CCDC88C: variants seen among roughly 807,000 people sequenced by gnomAD.
CCDC88C encodes coiled-coil and HOOK domain protein 88C, also known as protein Daple.
A neutral mutation model predicts 198.8 loss-of-function variants in CCDC88C; 131 were observed. That is an observed-to-expected ratio of 0.66 (90% confidence interval 0.57 to 0.76). CCDC88C has a LOEUF of 0.76. CCDC88C is among the 30% of genes least tolerant of loss of function. The pLI, the probability that CCDC88C is intolerant of heterozygous loss-of-function variation, is 0.00. For missense variants in CCDC88C, 2,553 were observed against 2,631.6 expected (o/e 0.97, Z 0.65); for synonymous variants, 1,166 against 1,114.7 (o/e 1.05, Z -0.92).
At chr14:91,302,544 GA>G (rs1891345561) in intron 20 of CCDC88C, among the ~76,000 whole-genome samples, 1 of 152,138 alleles carries the variant, frequency 6.6e-6, no homozygotes, top group Admixed American at 6.5e-5. Context: ...CTGACTTAAT[GA>G]ATACAAAACC....
intron 4 of CCDC88C, among the ~76,000 whole-genome samples, chr14:91,345,168 A>T (rs1347730481): frequency 9.8e-5 from 9 of 91,724 alleles, no homozygotes; most frequent in East Asian, 5.7e-4. Context: ...GGTTCAATTT[A>T]TATATATATA....
rs544650566 is a variant in CCDC88C, at chr14:91,397,472, ACACACTCT to A, written c.270+11179_270+11186del. 2.3e-3 allele frequency among the ~76,000 whole-genome samples: 351 copies of A among 152,230 alleles called. 1 individual carries two copies. The highest frequency in any genetic ancestry group is 3.9e-3 in the Admixed American group (60 of 15,276). ...CACACTCACACACACTCTCACACTC[ACACACTCT>A]CACACTCATACTCACACACACACAT... On this transcript the variant is annotated intron_variant, in intron 3 of 29. Transcript: ENST00000389857.
intron 4 of CCDC88C, among the ~76,000 whole-genome samples, chr14:91,351,836 G>A (rs1190468543): frequency 2.0e-5 from 3 of 151,926 alleles, no homozygotes; most frequent in African/African-American, 4.8e-5. Flanking sequence ...CACAACAGAC[G>A]ACAGCTACCC....
At chr14:91,403,795 T>C (rs1886341068) in intron 3 of CCDC88C, among the ~76,000 whole-genome samples, 1 of 152,178 alleles carries the variant, frequency 6.6e-6, no homozygotes, top group Non-Finnish European at 1.5e-5. Flanking sequence ...CCAGGCGTGG[T>C]GGTGCCCACT....
chr14:91,391,263 A>C (rs996422530), intron 3 of CCDC88C, among the ~76,000 whole-genome samples: 4 of 152,104 alleles, frequency 2.6e-5, no homozygotes, highest in Non-Finnish European at 2.9e-5. Flanking sequence ...AAAACAAAAA[A>C]AAAAACCCAC....
At chr14:91,413,421 T>C (rs1245804841) in intron 2 of CCDC88C, among the ~76,000 whole-genome samples, 1 of 152,200 alleles carries the variant, frequency 6.6e-6, no homozygotes, top group Non-Finnish European at 1.5e-5. Context: ...GAGTGGGGAT[T>C]TGAACTTGTC....
chr14:91,284,862 G>C lies in CCDC88C; in HGVS notation c.4442-1345C>G, dbSNP rs1178285573. Among the ~76,000 whole-genome samples, 1 of 152,118 alleles carries C rather than the reference G, an allele frequency of 6.6e-6. No homozygotes were observed. Among genetic ancestry groups the C allele is most frequent in the Non-Finnish European group, 1.5e-5 (1 of 68,026 alleles). On this transcript the variant is annotated intron_variant, in intron 25 of 29. Transcript: ENST00000389857. This position sits in a 1 kb window ranked among gnomAD's most constrained non-coding sequence, Gnocchi z 4.1. ...AATCATATTTTTGTAGGTAATCATA[G>C]ACGGTATCAGGATATGACAAAAATA...
Position 91,272,321 on chromosome 14 carries a change from CTTT to C in CCDC88C, c.*301_*303del. On this transcript the variant is annotated 3_prime_UTR_variant, in exon 30 of 30. Transcript: ENST00000389857. ...CTGGGACATACTGGAGTAGTGTCTG[CTTT>C]GGGGGAAGTCAGTTTGTCATTGCAT... 1.9e-4 allele frequency: 78 copies of C among 405,640 alleles called. No individual in the cohort carries two copies. Among genetic ancestry groups the C allele is most frequent in the South Asian group, 3.9e-4 (14 of 35,762 alleles). 25.1% of individuals were successfully genotyped at this position (405,640 alleles called of 1,614,324 possible).
Position 91,325,896 on chromosome 14 carries a change from A to G in CCDC88C, c.1197+14T>C, listed in dbSNP as rs1406145758. The G allele has an allele frequency of 6.5e-7, 1 of 1,548,722 alleles. No individual in the cohort carries two copies. Among genetic ancestry groups the G allele is most frequent in the African/African-American group, 1.4e-5 (1 of 73,092 alleles). On this transcript the variant is annotated intron_variant, in intron 11 of 29. Transcript: ENST00000389857. The surrounding 1 kb of genome is among the most constrained non-coding windows in gnomAD (Gnocchi z 4.1). ...AATCTGTTTTCAATGTAGTAACAAC[A>G]CAGCCTGCAGTACCAATTCCAGGTC...
At chr14:91,315,591 C>A (rs767434742) in intron 14 of CCDC88C, 59 bp downstream of exon 14, 1 of 1,595,620 alleles carries the variant, frequency 6.3e-7, no homozygotes, top group African/African-American at 1.3e-5. Flanking sequence ...GCTGTAATCC[C>A]GGCTCTCCGT....
chr14:91,402,027 C>T (rs1338978081), intron 3 of CCDC88C, among the ~76,000 whole-genome samples: 1 of 152,174 alleles, frequency 6.6e-6, no homozygotes, highest in Admixed American at 6.5e-5. Flanking sequence ...GTAATCCCAG[C>T]ACTTTGAGAG....
At chr14:91,384,368 A>G (rs1721439551) in intron 3 of CCDC88C, 1 of 438,228 alleles carries the variant, frequency 2.3e-6, no homozygotes, top group South Asian at 1.6e-5. Flanking sequence ...TAGGCTTGTC[A>G]AATGATGTAA....
chr14:91,391,929 C>T (rs745874053), intron 3 of CCDC88C, among the ~76,000 whole-genome samples: 1 of 151,426 alleles, frequency 6.6e-6, no homozygotes, highest in African/African-American at 2.4e-5. Flanking sequence ...TTTTTGGAGA[C>T]GGAGTCTTGC....
In CCDC88C at chr14:91,297,294, G is replaced by T; in HGVS notation, c.3966+11C>A. ...CCCTGTCTCCCGAGGCTCCCCTGGC[G>T]CTGGCCTCACCTCACAGTGGTTGTC... On this transcript the variant is annotated intron_variant, in intron 22 of 29. Transcript: ENST00000389857. 6.2e-7 allele frequency: 1 copy of T among 1,610,896 alleles called. No homozygotes were observed. The highest frequency in any genetic ancestry group is 8.5e-7 in the Non-Finnish European group (1 of 1,178,546).
At chr14:91,377,552 C>T (rs151329545) in intron 3 of CCDC88C, among the ~76,000 whole-genome samples, 8 of 152,236 alleles carry the variant, frequency 5.3e-5, no homozygotes, top group Non-Finnish European at 1.0e-4. Context: ...ATGGCCCCCC[C>T]CCGGTGCCAC....
At chr14:91,384,418 C>A in intron 3 of CCDC88C, 1 of 518,176 alleles carries the variant, frequency 1.9e-6, no homozygotes, top group Admixed American at 2.0e-5. Context: ...GACCATCCTG[C>A]TTCACTGCTG....
At position 91,408,753 on chromosome 14, in the gene CCDC88C, G is replaced by A; in HGVS notation, c.176C>T (p.Thr59Ile). The part of the protein sequence containing the change: ...QIMLQIDPRP[T>I]NQRINKHVNN... ...GACGTGCTTATTGATGCGTTGATTT[G>A]TGGGCCTGGGATCTCTAGGGGAAGA... Residue 59 changes from threonine (T) to isoleucine (I), a missense_variant, in exon 3 of 30, where the codon ACA becomes ATA. Transcript: ENST00000389857. 1 of 1,612,944 alleles carries A rather than the reference G, an allele frequency of 6.2e-7. No individual in the cohort carries two copies. The highest frequency in any genetic ancestry group is 8.5e-7 in the Non-Finnish European group (1 of 1,178,944).
chr14:91,412,926 ACT>A (rs1886863525), intron 2 of CCDC88C, among the ~76,000 whole-genome samples: 1 of 152,018 alleles, frequency 6.6e-6, no homozygotes, highest in African/African-American at 2.4e-5. Context: ...GGAAACATAA[ACT>A]CTCCTTCAAG....
Position 91,349,771 on chromosome 14 carries a change from G to A in CCDC88C, c.341-6114C>T, listed in dbSNP as rs1003972196. 5.3e-5 allele frequency among the ~76,000 whole-genome samples: 8 copies of A among 152,296 alleles called. No homozygotes were observed. The South Asian group carries it at 8.3e-4, about 16-fold the overall frequency. ...GCCAACATAAGCTATATAGAAAGCT[G>A]CAGACGTTAACAGTCATAAGCTTCC... On this transcript the variant is annotated intron_variant, in intron 4 of 29. Coordinates refer to ENST00000389857, the MANE Select transcript of CCDC88C (RefSeq NM_001080414.4).
Sources: gnomAD v4.1 joint callset for allele counts (sites outside exome capture counted in the v4.1 genomes callset) on GRCh38, gnomAD v4.1.1 for gene constraint, Gnocchi (gnomAD v3.1) non-coding constraint, MANE v1.5 for transcripts, NCBI Gene and HGNC (gene_info 2026-07-23, HGNC 2026-07-21) for gene names.